Variants in TNKS observed in about 807,000 individuals in gnomAD.
The protein encoded by TNKS is poly [ADP-ribose] polymerase tankyrase-1.
Under a neutral mutation model 135.8 loss-of-function variants are expected in TNKS, and 72 were observed. The ratio of observed to expected loss-of-function variants is 0.53; its 90% CI spans 0.44 to 0.64. The LOEUF is 0.64. Among genes scored for constraint, TNKS ranks in the 30% least tolerant of loss-of-function variants. TNKS has a pLI of 0.00. For missense variants in TNKS, 1,769 were observed against 1,674.0 expected (o/e 1.06, Z -0.99); for synonymous variants, 849 against 649.3 (o/e 1.31, Z -4.68).
At chr8:9,617,654 G>T (rs969988255) in intron 3 of TNKS, among the ~76,000 whole-genome samples, 4 of 152,128 alleles carry the variant, frequency 2.6e-5, no homozygotes, top group Non-Finnish European at 4.4e-5. Context: ...TATGGTGAAA[G>T]AATTATTTCC....
chr8:9,781,471 G>A lies in TNKS; in HGVS notation c.*4735G>A, dbSNP rs1405934212. 6.6e-6 allele frequency: 1 copy of A among 152,222 alleles called. No individual in the cohort carries two copies. The highest frequency in any genetic ancestry group is 2.1e-4 in the South Asian group (1 of 4,838). 9.4% of individuals were successfully genotyped at this position (152,222 alleles called of 1,614,324 possible). A position where few individuals can be genotyped will look rare whatever the true frequency, so the allele number is the denominator to read the frequency against. On this transcript the variant is annotated 3_prime_UTR_variant, in exon 27 of 27. Transcript: ENST00000310430. ...CCATTCAAAGTTAGGAAAGAACACA[G>A]ATCTTTGAGGCCGATAGCCTAGACC...
chr8:9,731,184 G>GCGTGAGCCAC, intron 14 of TNKS, 149 bp downstream of exon 14: 1 of 1,079,346 alleles, frequency 9.3e-7, no homozygotes, highest in South Asian at 2.0e-5. Flanking sequence ...AATGTGCCAG[G>GCGTGAGCCAC]CATGGTGGCT....
intron 3 of TNKS, among the ~76,000 whole-genome samples, chr8:9,663,611 C>G (rs4342598): frequency 6.6e-6 from 1 of 152,162 alleles, no homozygotes; most frequent in Non-Finnish European, 1.5e-5. Flanking sequence ...AGAGGCTACT[C>G]GCTAGTAGTA....
chr8:9,746,778 C>A (rs1257789035), intron 17 of TNKS, among the ~76,000 whole-genome samples: 1 of 151,858 alleles, frequency 6.6e-6, no homozygotes, highest in African/African-American at 2.4e-5. Context: ...TGTGCTCCAA[C>A]CTTTTCTGAC....
In TNKS at chr8:9,704,665, G is replaced by T. The variant is rs572314335; in HGVS notation, c.1110G>T (p.Ser370=). The T allele has an allele frequency of 5.6e-6, 9 of 1,611,022 alleles. No individual in the cohort carries two copies. The South Asian group carries it at 9.9e-5, about 18-fold the overall frequency. The part of the protein sequence containing the change: ...VNCHASDGRK[S]TPLHLAAGYN... Reference sequence around the variant, plus strand: ...AAGGGGATGTTTTTCTTTTCTAGTCGACTCCTTTACATCTAGCAGCGGGCT... The same window carrying T: ...AAGGGGATGTTTTTCTTTTCTAGTCTACTCCTTTACATCTAGCAGCGGGCT... Residue 370 remains serine (S), a splice_region_variant and synonymous_variant, in exon 6 of 27, where the codon TCG becomes TCT. Transcript: ENST00000310430.
chr8:9,593,476 C>A (rs146687355), intron 2 of TNKS, among the ~76,000 whole-genome samples: 2 of 152,274 alleles, frequency 1.3e-5, no homozygotes, highest in African/African-American at 4.8e-5. Flanking sequence ...CAAATTAATT[C>A]TTTTAAATTA....
intron 17 of TNKS, among the ~76,000 whole-genome samples, chr8:9,742,679 G>T (rs1328547865): frequency 6.7e-6 from 1 of 149,800 alleles, no homozygotes. Context: ...GCGACATAGT[G>T]AGACCCTATC....
rs375813648 is a variant in TNKS at position 9,713,684 on chromosome 8, A to G, written c.1749+3464A>G. ...TATATTTAATCAGAGTTATGAACCC[A>G]TAGATATCAATTGCTATCAGTAGAT... On this transcript the variant is annotated intron_variant, in intron 11 of 26. Coordinates refer to ENST00000310430, the MANE Select transcript of TNKS (RefSeq NM_003747.3). 4.0e-4 allele frequency among the ~76,000 whole-genome samples: 61 copies of G among 152,336 alleles called. 1 individual carries two copies. The Middle Eastern group carries it at 0.024, about 59-fold the overall frequency.
At chr8:9,731,460 C>CAAAAA (rs36213271) in intron 14 of TNKS, among the ~76,000 whole-genome samples, 28 of 67,520 alleles carry the variant, frequency 4.1e-4, no homozygotes, top group South Asian at 2.2e-3. Context: ...AATTCCATCT[C>CAAAAA]AAAAAAAAAA....
chr8:9,647,311 G>C (rs775863044), intron 3 of TNKS, among the ~76,000 whole-genome samples: 15 of 152,110 alleles, frequency 9.9e-5, no homozygotes, highest in Non-Finnish European at 1.3e-4. Flanking sequence ...GAGTACAAGG[G>C]ATAGAACAGT....
chr8:9,556,524 G>C lies in TNKS; in HGVS notation c.585G>C (p.Val195=). Residue 195 remains valine, a synonymous_variant, in exon 1 of 27, where the codon GTG becomes GTC. Coordinates refer to ENST00000310430, the MANE Select transcript of TNKS (RefSeq NM_003747.3). ...TGGAGGCCTGTCGCAATGGGGACGT[G>C]TCCCGGGTAAAGAGGCTGGTGGACG... is the stretch of plus-strand genomic sequence containing the variant. ...ELLEACRNGD[V]SRVKRLVDAA... 1.9e-6 allele frequency: 3 copies of C among 1,614,192 alleles called. No homozygotes were observed. The highest frequency in any genetic ancestry group is 2.5e-6 in the Non-Finnish European group (3 of 1,180,036).
intron 3 of TNKS, among the ~76,000 whole-genome samples, chr8:9,623,358 G>A (rs1465717652): frequency 2.0e-5 from 3 of 151,926 alleles, no homozygotes; most frequent in Non-Finnish European, 4.4e-5. Flanking sequence ...CCTGTGTACA[G>A]GCATACCTCA....
chr8:9,560,815 A>T (rs1797299327), intron 1 of TNKS, among the ~76,000 whole-genome samples: 1 of 152,182 alleles, frequency 6.6e-6, no homozygotes, highest in African/African-American at 2.4e-5. Context: ...CCTTTTACTT[A>T]GTGTTTTCTT....
chr8:9,624,663 G>A (rs1799989545), intron 3 of TNKS, among the ~76,000 whole-genome samples: 1 of 151,880 alleles, frequency 6.6e-6, no homozygotes, highest in Admixed American at 6.6e-5. Context: ...TTTTTAATTA[G>A]GGTAAACCTG....
intron 3 of TNKS, among the ~76,000 whole-genome samples, chr8:9,634,008 G>T (rs1800400949): frequency 1.3e-5 from 2 of 151,586 alleles, no homozygotes; most frequent in Admixed American, 1.3e-4. Flanking sequence ...GTCATTTCCA[G>T]ATGTAATTTG....
intron 26 of TNKS, among the ~76,000 whole-genome samples, chr8:9,775,436 G>A (rs535521549): frequency 7.4e-4 from 86 of 115,906 alleles, no homozygotes; most frequent in African/African-American, 2.3e-3. Flanking sequence ...CTGGAATTAC[G>A]GAAAAGAATA....
intron 1 of TNKS, among the ~76,000 whole-genome samples, chr8:9,561,444 T>C (rs1797328371): frequency 6.6e-6 from 1 of 152,238 alleles, no homozygotes; most frequent in Non-Finnish European, 1.5e-5. Context: ...TTGCCTGTTT[T>C]AGAATTTCAT....
intron 1 of TNKS, 118 bp from the exon 2 acceptor site, chr8:9,580,041 T>C: frequency 1.3e-6 from 1 of 780,682 alleles, no homozygotes; most frequent in Non-Finnish European, 2.1e-6. Context: ...TTTTACACCA[T>C]TTACTATAGA....
chr8:9,709,603 A>C (rs1485412465), intron 9 of TNKS, among the ~76,000 whole-genome samples: 1 of 152,192 alleles, frequency 6.6e-6, no homozygotes, highest in East Asian at 1.9e-4. Flanking sequence ...CTGATGGCCT[A>C]ATGAAAGATT....
Sources: allele counts gnomAD v4.1 joint callset (sites outside exome capture counted in the v4.1 genomes callset), GRCh38; gene constraint gnomAD v4.1.1; transcripts MANE v1.5; gene names NCBI Gene and HGNC (gene_info 2026-07-23, HGNC 2026-07-21).